The following EPG5 variants were observed in gnomAD, a reference collection of about 807,000 sequenced individuals.
EPG5 encodes ectopic P-granules 5 autophagy tethering factor.
In EPG5, 159 loss-of-function variants were observed where a neutral mutation model predicts 302.7. That is an observed-to-expected ratio of 0.53 (90% CI 0.46 to 0.60). The LOEUF is 0.60. Among genes scored for constraint, EPG5 ranks in the 20% least tolerant of loss-of-function variants. EPG5 has a pLI of 0.00. For synonymous variants in EPG5, 1,158 were observed against 1,136.8 expected (o/e 1.02, Z -0.37); for missense variants, 2,896 against 3,092.4 (o/e 0.94, Z 1.51).
Position 45,866,859 on chromosome 18 carries a change from A to G in EPG5, c.6560T>C (p.Ile2187Thr), listed in dbSNP as rs761443059. 5 of 1,614,204 alleles carry G rather than the reference A, an allele frequency of 3.1e-6. No homozygotes were observed. Among genetic ancestry groups the G allele is most frequent in the Middle Eastern group, 1.6e-4 (1 of 6,062 alleles). Reference protein sequence around the residue: ...ILAKESYAELIMKLLKVSAGL... With the variant: ...ILAKESYAELTMKLLKVSAGL... ...CGCAGACACTTTTAGGAGCTTCATG[A>G]TTAATTCAGCATAAGATTCTTTTGC... Residue 2187 changes from isoleucine to threonine, a missense_variant, in exon 38 of 44, where the codon ATC (isoleucine) becomes ACC (threonine). By Grantham distance (89) the Ile-to-Thr change is moderately conservative. Transcript: ENST00000282041.
Position 45,878,357 on chromosome 18 carries a change from T to C in EPG5, c.5942+19A>G. ...TCTACAAACGTCAAAGGAATTTGAA[T>C]ATCTAAAAAACTGTTTACCTTTCGT... On this transcript the variant is annotated intron_variant, in intron 34 of 43. Coordinates refer to ENST00000282041, the MANE Select transcript of EPG5 (RefSeq NM_020964.3). 1.3e-6 allele frequency: 2 copies of C among 1,530,210 alleles called. No homozygotes were observed. The highest frequency in any genetic ancestry group is 1.8e-6 in the Non-Finnish European group (2 of 1,105,048). The allele number at this position is 1,530,210 out of a possible 1,614,324, so 94.8% of individuals were successfully genotyped here.
At chr18:45,875,806 G>C (rs1036930023) in intron 35 of EPG5, among the ~76,000 whole-genome samples, 1 of 152,184 alleles carries the variant, frequency 6.6e-6, no homozygotes, top group African/African-American at 2.4e-5. Context: ...TGTAATCCTA[G>C]CACTTTGGGA....
intron 27 of EPG5, among the ~76,000 whole-genome samples, chr18:45,897,355 CTGGCAAAGATA>C (rs2049501815): frequency 6.6e-6 from 1 of 152,208 alleles, no homozygotes; most frequent in African/African-American, 2.4e-5. Flanking sequence ...AATTAACAGT[CTGGCAAAGATA>C]TGTAGTTTTA....
At chr18:45,901,211 T>C in intron 25 of EPG5, 44 bp from the exon 26 acceptor site, 1 of 1,543,030 alleles carries the variant, frequency 6.5e-7, no homozygotes, top group Non-Finnish European at 8.9e-7. Context: ...TCAGGTGAAT[T>C]AGCAGGAGAA....
chr18:45,920,793 T>G (rs556664833), intron 16 of EPG5, among the ~76,000 whole-genome samples: 1 of 152,192 alleles, frequency 6.6e-6, no homozygotes, highest in African/African-American at 2.4e-5. Flanking sequence ...AATGTCAACA[T>G]GAGGTTTAGG....
intron 9 of EPG5, among the ~76,000 whole-genome samples, chr18:45,942,709 G>A (rs1024791709): frequency 2.0e-5 from 3 of 152,186 alleles, no homozygotes; most frequent in Non-Finnish European, 4.4e-5. Context: ...GGGTGGGGAA[G>A]GAAGTTGAAT....
chr18:45,857,805 T>C, intron 42 of EPG5, 48 bp downstream of exon 42: 1 of 1,501,696 alleles, frequency 6.7e-7, no homozygotes, highest in Non-Finnish European at 9.3e-7. Context: ...TAGGTACAGA[T>C]GTCTGAGGCC....
intron 27 of EPG5, among the ~76,000 whole-genome samples, chr18:45,892,215 AC>A (rs1263840904): frequency 1.3e-5 from 2 of 152,188 alleles, no homozygotes; most frequent in East Asian, 3.8e-4. Context: ...CTCACAAAAA[AC>A]ATCCCCAAAT....
the EPG5 span, among the ~76,000 whole-genome samples, chr18:45,815,243 T>C: frequency 1.3e-5 from 2 of 152,202 alleles, no homozygotes; most frequent in Non-Finnish European, 2.9e-5. Flanking sequence ...CAGTAAGTCT[T>C]AGTAATTGCT....
chr18:45,872,413 G>A (rs1568109073), intron 35 of EPG5, among the ~76,000 whole-genome samples: 2 of 152,162 alleles, frequency 1.3e-5, no homozygotes, highest in Non-Finnish European at 2.9e-5. Context: ...TTTAAAAAAT[G>A]GCCAACGAGG....
intron 11 of EPG5, among the ~76,000 whole-genome samples, chr18:45,931,923 C>A (rs1283664877): frequency 6.6e-6 from 1 of 151,380 alleles, no homozygotes; most frequent in Non-Finnish European, 1.5e-5. Flanking sequence ...AGGCAACAAG[C>A]CAATAATTCT....
chr18:45,893,371 C>T (rs1489550281), intron 27 of EPG5, among the ~76,000 whole-genome samples: 1 of 152,052 alleles, frequency 6.6e-6, no homozygotes, highest in Non-Finnish European at 1.5e-5. Context: ...TCAAGACCAG[C>T]CTGGCCAACA....
At chr18:45,894,491 A>G (rs1285864270) in intron 27 of EPG5, among the ~76,000 whole-genome samples, 1 of 152,000 alleles carries the variant, frequency 6.6e-6, no homozygotes, top group Non-Finnish European at 1.5e-5. Context: ...AAAAACAAAT[A>G]AAGATGGAAA....
the EPG5 span, among the ~76,000 whole-genome samples, chr18:45,801,530 G>A: frequency 1.3e-5 from 2 of 152,222 alleles, no homozygotes; most frequent in African/African-American, 4.8e-5. Context: ...CAAACTTGGA[G>A]GAGAAGGTAG....
intron 30 of EPG5, among the ~76,000 whole-genome samples, chr18:45,883,461 CTT>C (rs61461493): frequency 2.3e-4 from 31 of 132,510 alleles, no homozygotes; most frequent in African/African-American, 6.5e-4. Context: ...TCAAGGTTGT[CTT>C]TTTTTTTTTT....
At chr18:45,889,098 C>T (rs1308325891) in intron 28 of EPG5, among the ~76,000 whole-genome samples, 1 of 152,154 alleles carries the variant, frequency 6.6e-6, no homozygotes, top group Non-Finnish European at 1.5e-5. Flanking sequence ...CAGCCCAACA[C>T]ACAAAAGGAC....
At chr18:45,837,487 C>T in the EPG5 span, 8 of 1,454,640 alleles carry the variant, frequency 5.5e-6, no homozygotes, top group South Asian at 8.4e-5. Context: ...GGGCCCCGAG[C>T]CTGACGCAGC....
rs1295811242 is a variant in EPG5 at position 45,865,907 on chromosome 18, C to T, written c.6622-148G>A. ...GAAGCCACATGAAGACTTAGTCCCACGTGGCCCAAGGGGCCTAGTGAAAGG... is the reference window on the plus strand; with the variant it reads ...GAAGCCACATGAAGACTTAGTCCCATGTGGCCCAAGGGGCCTAGTGAAAGG... On this transcript the variant is annotated intron_variant, in intron 38 of 43. Transcript: ENST00000282041. 1.5e-5 allele frequency: 14 copies of T among 938,002 alleles called. No homozygotes were observed. The East Asian group carries it at 1.7e-4, about 11-fold the overall frequency. The allele number at this position is 938,002 out of a possible 1,614,324, so 58.1% of individuals were successfully genotyped here.
chr18:45,905,928 A>G (rs1037344349), intron 24 of EPG5, among the ~76,000 whole-genome samples: 2 of 152,222 alleles, frequency 1.3e-5, no homozygotes, highest in African/African-American at 4.8e-5. Context: ...GGATGTCAGG[A>G]CACCATGGTC....
Sources: allele counts gnomAD v4.1 joint callset (sites outside exome capture counted in the v4.1 genomes callset), GRCh38; gene constraint gnomAD v4.1.1; transcripts MANE v1.5; gene names NCBI Gene and HGNC (gene_info 2026-07-23, HGNC 2026-07-21).